The following LUZP1 variants were observed in gnomAD, a reference collection of about 807,000 sequenced individuals.
LUZP1 encodes the protein leucine zipper protein 1.
LUZP1 carries 25 observed loss-of-function variants against 71.3 expected under a neutral mutation model. The ratio of observed to expected loss-of-function variants is 0.35; its 90% CI spans 0.26 to 0.49. The LOEUF is 0.49. Among genes scored for constraint, LUZP1 ranks in the 20% least tolerant of loss-of-function variants. The pLI is 0.99. For synonymous variants in LUZP1, 481 were observed against 506.4 expected (o/e 0.95, Z 0.67); for missense variants, 1,142 against 1,300.8 (o/e 0.88, Z 1.88).
At chr1:23,097,728 G>A (rs1643900521) in intron 3 of LUZP1, among the ~76,000 whole-genome samples, 1 of 152,190 alleles carries the variant, frequency 6.6e-6, no homozygotes, top group South Asian at 2.1e-4. Context: ...TGTAGTCCCA[G>A]CTACTTGGTA....
At chr1:23,127,047 G>A (rs985321978) in intron 2 of LUZP1, among the ~76,000 whole-genome samples, 5 of 152,124 alleles carry the variant, frequency 3.3e-5, no homozygotes, top group African/African-American at 7.2e-5. Flanking sequence ...AAATCACTTC[G>A]CTCTATTCTG....
At chr1:23,151,193 C>T (rs764524960) in intron 2 of LUZP1, among the ~76,000 whole-genome samples, 2 of 152,052 alleles carry the variant, frequency 1.3e-5, no homozygotes, top group Non-Finnish European at 2.9e-5. Flanking sequence ...TAAAGGCACC[C>T]GCCATCATGC....
chr1:23,159,136 T>TGAGACCATCCTGGCTAACATGGTGA (rs1644444730), intron 2 of LUZP1, among the ~76,000 whole-genome samples: 1 of 151,594 alleles, frequency 6.6e-6, no homozygotes, highest in Admixed American at 6.6e-5. Context: ...GTCAGGAGAT[T>TGAGACCATCCTGGCTAACATGGTGA]GAGACCATCC....
chr1:23,128,087 C>T (rs1024038126), intron 2 of LUZP1, among the ~76,000 whole-genome samples: 19 of 152,000 alleles, frequency 1.3e-4, no homozygotes, highest in Middle Eastern at 3.4e-3. Context: ...GCCGAGATCA[C>T]GCCGCTGCAC....
At chr1:23,128,194 G>A (rs2124680207) in intron 2 of LUZP1, among the ~76,000 whole-genome samples, 1 of 151,988 alleles carries the variant, frequency 6.6e-6, no homozygotes, top group South Asian at 2.1e-4. Flanking sequence ...TTTTAAAAAA[G>A]TGGAAAATAC....
intron 2 of LUZP1, among the ~76,000 whole-genome samples, chr1:23,113,904 T>C (rs180686101): frequency 7.0e-6 from 1 of 142,848 alleles, no homozygotes; most frequent in East Asian, 2.1e-4. Context: ...AAAAAGAAAA[T>C]ATGCTCAAAA....
chr1:23,145,019 C>G (rs942024659), intron 2 of LUZP1, among the ~76,000 whole-genome samples: 1 of 152,028 alleles, frequency 6.6e-6, no homozygotes, highest in Non-Finnish European at 1.5e-5. Flanking sequence ...CCTCAGCCTC[C>G]CAAGTAACTG....
rs1643954840 is a variant in LUZP1 at position 23,103,874 on chromosome 1, GGGAGGGAGAGAGGGAGAGAGGGAGGGA to G, written c.-120+5121_-120+5147del. Among the ~76,000 whole-genome samples the G allele has an allele frequency of 5.6e-4, 6 of 10,790 alleles. 1 individual carries two copies. Among genetic ancestry groups the G allele is most frequent in the African/African-American group, 2.0e-3 (6 of 2,940 alleles). The allele number at this position is 10,790 out of a possible 152,430, so 7.1% of individuals were successfully genotyped here. The stretch of plus-strand genomic sequence containing the variant: ...AGGGAGGGAGGGAGGGAGGGAGGGA[GGGAGGGAGAGAGGGAGAGAGGGAGGGA>G]GGGGGGAAGGAGGGAGGGAGGGGGG... On this transcript the variant is annotated intron_variant, in intron 3 of 4. Coordinates refer to ENST00000302291, the Ensembl canonical transcript of LUZP1.
At chr1:23,087,203 C>T (rs1643779707) in exon 5 of LUZP1, 3 of 152,222 alleles carry the variant, frequency 2.0e-5, no homozygotes, top group Admixed American at 2.0e-4. Context: ...AATCCCTTCA[C>T]ACTTTGCAGA....
chr1:23,163,250 A>AG (rs1315796182), intron 2 of LUZP1, among the ~76,000 whole-genome samples: 1 of 151,222 alleles, frequency 6.6e-6, no homozygotes, highest in African/African-American at 2.4e-5. Flanking sequence ...AAAAAAAAAA[A>AG]AAAAAAAAGC....
chr1:23,108,477 G>A (rs1644001686), intron 3 of LUZP1, among the ~76,000 whole-genome samples: 1 of 152,146 alleles, frequency 6.6e-6, no homozygotes, highest in African/African-American at 2.4e-5. Context: ...GTGCACACCT[G>A]TAGTCCCAGT....
chr1:23,145,918 T>A (rs1644339405), intron 2 of LUZP1, among the ~76,000 whole-genome samples: 1 of 152,238 alleles, frequency 6.6e-6, no homozygotes, highest in Admixed American at 6.5e-5. Flanking sequence ...CAAATATACT[T>A]ATGTAATGAA....
intron 2 of LUZP1, among the ~76,000 whole-genome samples, chr1:23,161,573 G>A (rs942029578): frequency 1.3e-5 from 2 of 152,086 alleles, no homozygotes; most frequent in Non-Finnish European, 1.5e-5. Flanking sequence ...GAGCAATATT[G>A]TAAGACCCCA....
At chr1:23,084,288 G>C (rs963409785) in exon 5 of LUZP1, 1 of 152,134 alleles carries the variant, frequency 6.6e-6, no homozygotes, top group Non-Finnish European at 1.5e-5. Context: ...TCAGAGCAGG[G>C]AGGATCAGTT....
At chr1:23,134,989 C>G (rs2124694299) in intron 2 of LUZP1, among the ~76,000 whole-genome samples, 1 of 152,272 alleles carries the variant, frequency 6.6e-6, no homozygotes, top group East Asian at 1.9e-4. Context: ...CTCCTCCCAC[C>G]CCTGCCATGC....
intron 2 of LUZP1, among the ~76,000 whole-genome samples, chr1:23,132,227 C>T (rs1644220813): frequency 6.6e-6 from 1 of 152,164 alleles, no homozygotes; most frequent in Admixed American, 6.6e-5. Context: ...AGGCAGTGAG[C>T]TAGGCATCAT....
exon 5 of LUZP1, chr1:23,088,671 C>T (rs1487299885): frequency 4.0e-6 from 2 of 503,270 alleles, no homozygotes; most frequent in Non-Finnish European, 7.1e-6. Context: ...AGAGAGGACT[C>T]GTGCATTGGG....
chr1:23,137,194 G>A (rs1401241816), intron 2 of LUZP1, among the ~76,000 whole-genome samples: 4 of 152,170 alleles, frequency 2.6e-5, no homozygotes, highest in Non-Finnish European at 4.4e-5. Context: ...TATACAGAGA[G>A]ATACAGAGAT....
chr1:23,131,148 G>A (rs1427095021), intron 2 of LUZP1, among the ~76,000 whole-genome samples: 10 of 135,694 alleles, frequency 7.4e-5, no homozygotes, highest in African/African-American at 2.2e-4. Flanking sequence ...GAACCCGGGA[G>A]ATGGAGGTTG....
Sources: allele counts gnomAD v4.1 joint callset (sites outside exome capture counted in the v4.1 genomes callset), GRCh38; gene constraint gnomAD v4.1.1; transcripts MANE v1.5; gene names NCBI Gene and HGNC (gene_info 2026-07-23, HGNC 2026-07-21).